CHN2: variants seen among roughly 807,000 people sequenced by gnomAD.
CHN2 encodes the protein chimerin 2, also known as beta-chimaerin.
In CHN2, 35 loss-of-function variants were observed where a neutral mutation model predicts 56.3. That is an observed-to-expected ratio of 0.62 (90% CI 0.47 to 0.82). The LOEUF (loss-of-function observed/expected upper bound fraction) is 0.82, where lower values mean the gene tolerates loss of function less well. Among genes scored for constraint, CHN2 ranks in the 40% least tolerant of loss-of-function variants. The pLI, the probability that CHN2 is intolerant of heterozygous loss-of-function variation, is 0.00. For synonymous variants in CHN2, 210 were observed against 212.8 expected, an observed-to-expected ratio of 0.99 and a Z score of 0.12; for missense variants, 491 against 580.5, an observed-to-expected ratio of 0.85 and a Z score of 1.58.
intron 2 of CHN2, among the ~76,000 whole-genome samples, chr7:29,185,820 CT>C (rs983709025): frequency 1.3e-5 from 2 of 152,136 alleles, no homozygotes; most frequent in East Asian, 3.9e-4. Flanking sequence ...GGGCCTGCCC[CT>C]GGATGTGAAT....
chr7:29,265,763 G>C (rs773413390), intron 1 of CHN2, among the ~76,000 whole-genome samples: 1 of 152,218 alleles, frequency 6.6e-6, no homozygotes, highest in Non-Finnish European at 1.5e-5. Context: ...AGCTGAGGAG[G>C]AAAGGCTGTT....
At chr7:29,273,737 T>A (rs1390214559) in intron 1 of CHN2, among the ~76,000 whole-genome samples, 1 of 151,794 alleles carries the variant, frequency 6.6e-6, no homozygotes, top group East Asian at 1.9e-4. Flanking sequence ...TTCAAAATAG[T>A]GTCATTGTTT....
At chr7:29,272,945 C>G (rs759224943) in intron 1 of CHN2, among the ~76,000 whole-genome samples, 24 of 152,068 alleles carry the variant, frequency 1.6e-4, no homozygotes, top group South Asian at 6.2e-4. Flanking sequence ...AGCTAAAAAT[C>G]TAAGTGTGAC....
chr7:29,442,930 A>ATTTTTTTTTTTTTTTTT (rs1238691449), intron 6 of CHN2, among the ~76,000 whole-genome samples: 2 of 102,184 alleles, frequency 2.0e-5, no homozygotes, highest in Admixed American at 9.3e-5. Flanking sequence ...ATTTCATTGA[A>ATTTTTTTTTTTTTTTTT]TTTCTTTTTT....
At chr7:29,224,207 C>G (rs780977123) in intron 1 of CHN2, among the ~76,000 whole-genome samples, 1 of 152,146 alleles carries the variant, frequency 6.6e-6, no homozygotes, top group African/African-American at 2.4e-5. Flanking sequence ...GCCCTTACTT[C>G]TTAATCATTA....
intron 10 of CHN2, among the ~76,000 whole-genome samples, chr7:29,505,232 C>T (rs1181155707): frequency 1.3e-5 from 2 of 152,200 alleles, no homozygotes; most frequent in Non-Finnish European, 1.5e-5. Context: ...CTAGAACATA[C>T]TATCTCTTAA....
chr7:29,290,348 C>G (rs549726658), intron 1 of CHN2, among the ~76,000 whole-genome samples: 190 of 152,354 alleles, frequency 1.2e-3, no homozygotes, highest in Admixed American at 9.5e-3. Flanking sequence ...GTTTATCGCT[C>G]TGTTCCTTGT....
intron 2 of CHN2, among the ~76,000 whole-genome samples, chr7:29,170,811 C>A (rs777353389): frequency 6.6e-6 from 1 of 152,008 alleles, no homozygotes; most frequent in Admixed American, 6.6e-5. Flanking sequence ...TGGCGGAAGG[C>A]GAGGAGGAGC....
intron 6 of CHN2, among the ~76,000 whole-genome samples, chr7:29,473,039 C>G (rs1217716946): frequency 6.6e-6 from 1 of 152,164 alleles, no homozygotes; most frequent in African/African-American, 2.4e-5. Context: ...TATACATTCT[C>G]AGGGTAGCAG....
At chr7:29,392,090 C>T (rs1389455251) in intron 3 of CHN2, among the ~76,000 whole-genome samples, 1 of 152,178 alleles carries the variant, frequency 6.6e-6, no homozygotes, top group Non-Finnish European at 1.5e-5. Flanking sequence ...ATTTAAAAAT[C>T]GTCCTCATAT....
At chr7:29,267,056 A>G (rs1293651386) in intron 1 of CHN2, among the ~76,000 whole-genome samples, 1 of 151,940 alleles carries the variant, frequency 6.6e-6, no homozygotes, top group African/African-American at 2.4e-5. Flanking sequence ...TACCTGTCTC[A>G]AGCCCCACCC....
At chr7:29,473,125 G>T (rs1786250761) in intron 6 of CHN2, among the ~76,000 whole-genome samples, 1 of 152,242 alleles carries the variant, frequency 6.6e-6, no homozygotes, top group South Asian at 2.1e-4. Flanking sequence ...GCATGGTATG[G>T]ATTTTTGCCT....
chr7:29,383,370 G>A (rs1450842645), intron 3 of CHN2, among the ~76,000 whole-genome samples: 1 of 152,140 alleles, frequency 6.6e-6, no homozygotes, highest in Non-Finnish European at 1.5e-5. Flanking sequence ...GAAGATCGGT[G>A]TTCCTGCTCT....
chr7:29,354,938 A>ATTTT (rs1562541422), intron 2 of CHN2, among the ~76,000 whole-genome samples: 1 of 65,282 alleles, frequency 1.5e-5, no homozygotes, highest in African/African-American at 6.8e-5. Flanking sequence ...TTGGGGCTTT[A>ATTTT]TTTTTATTTA....
At position 29,195,649 on chromosome 7, in the gene CHN2, T is replaced by TGTGTGA. The variant is rs1554358914; in HGVS notation, c.49+660_49+661insTGTGAG. ...GAGAGAGTGTGTGTGTGTGTGTGTG[T>TGTGTGA]GAGAGAGAGAGAGAGAGAGACTCCT... On this transcript the variant is annotated intron_variant, in intron 1 of 12. Coordinates refer to ENST00000222792, the MANE Select transcript of CHN2 (RefSeq NM_004067.4). Among the ~76,000 whole-genome samples, 518 of 130,688 alleles carry TGTGTGA rather than the reference T, an allele frequency of 4.0e-3. 1 individual carries two copies. Among genetic ancestry groups the TGTGTGA allele is most frequent in the South Asian group, 0.016 (68 of 4,168 alleles). The allele number at this position is 130,688 out of a possible 152,430, so 85.7% of individuals were successfully genotyped here.
At position 29,229,407 on chromosome 7, in the gene CHN2, G is replaced by GA. The variant is rs549070434; in HGVS notation, c.49+34426dup. 3.9e-4 allele frequency among the ~76,000 whole-genome samples: 58 copies of GA among 150,416 alleles called. No homozygotes were observed. The South Asian group carries it at 8.0e-3, about 21-fold the overall frequency. ...AACATTTTTATGTTTTGCTAAAAAGGAAAAAAAAATCACTGATGATGTATT... is the reference window on the plus strand; with the variant it reads ...AACATTTTTATGTTTTGCTAAAAAGGAAAAAAAAAATCACTGATGATGTATT... On this transcript the variant is annotated intron_variant, in intron 1 of 12. Transcript: ENST00000222792.
intron 6 of CHN2, among the ~76,000 whole-genome samples, chr7:29,423,826 A>C (rs1350729560): frequency 6.6e-6 from 1 of 152,132 alleles, no homozygotes; most frequent in Non-Finnish European, 1.5e-5. Flanking sequence ...AATCCATTGA[A>C]ACATCCCATA....
At chr7:29,157,934 C>G (rs1349473568) in intron 2 of CHN2, among the ~76,000 whole-genome samples, 1 of 152,198 alleles carries the variant, frequency 6.6e-6, no homozygotes, top group Non-Finnish European at 1.5e-5. Context: ...TATGAAAATA[C>G]TGTTTCTCAT....
At chr7:29,369,838 A>G (rs968401777) in intron 3 of CHN2, among the ~76,000 whole-genome samples, 5 of 152,140 alleles carry the variant, frequency 3.3e-5, no homozygotes, top group East Asian at 3.9e-4. Context: ...TATGGTGCCC[A>G]TGTCTCTTGT....
Sources: allele counts gnomAD v4.1 joint callset (sites outside exome capture counted in the v4.1 genomes callset), GRCh38; gene constraint gnomAD v4.1.1; transcripts MANE v1.5; gene names NCBI Gene and HGNC (gene_info 2026-07-23, HGNC 2026-07-21).